Variants in NUMA1 observed in about 807,000 individuals in gnomAD.
NUMA1 encodes the protein nuclear mitotic apparatus protein 1, also known as SP-H antigen.
NUMA1 carries 62 observed loss-of-function variants against 237.1 expected under a neutral mutation model. That is an observed-to-expected ratio of 0.26 (90% CI 0.21 to 0.32). The LOEUF (loss-of-function observed/expected upper bound fraction) is 0.32, where lower values mean the gene tolerates loss of function less well. Among genes scored for constraint, NUMA1 ranks in the 10% least tolerant of loss-of-function variants. The pLI is 1.00. For missense variants in NUMA1, 2,533 were observed against 2,666.5 expected, an observed-to-expected ratio of 0.95 and a Z score of 1.10; for synonymous variants, 1,028 against 1,066.1, an observed-to-expected ratio of 0.96 and a Z score of 0.70.
At chr11:72,060,279 A>G (rs1942873151) in intron 2 of NUMA1, among the ~76,000 whole-genome samples, 1 of 152,224 alleles carries the variant, frequency 6.6e-6, no homozygotes, top group Admixed American at 6.5e-5. Flanking sequence ...CCAATGGCAG[A>G]GGTGAGTAGT....
chr11:72,026,481 A>G (rs577753849), intron 4 of NUMA1, among the ~76,000 whole-genome samples: 44 of 152,176 alleles, frequency 2.9e-4, no homozygotes, highest in African/African-American at 1.0e-3. Flanking sequence ...CTGTTATTCA[A>G]GCTTCACAGC....
At chr11:72,079,487 C>T (rs187184045) in intron 1 of NUMA1, among the ~76,000 whole-genome samples, 4 of 152,038 alleles carry the variant, frequency 2.6e-5, no homozygotes, top group Non-Finnish European at 4.4e-5. Flanking sequence ...TTGCAGTGAG[C>T]CGAGATCGCG....
intron 2 of NUMA1, among the ~76,000 whole-genome samples, chr11:72,059,844 A>G (rs1266439184): frequency 6.6e-6 from 1 of 152,224 alleles, no homozygotes; most frequent in Admixed American, 6.5e-5. Context: ...ACTGTGTACT[A>G]GTTTATAGTC....
Position 72,004,233 on chromosome 11 carries a change from T to C in NUMA1, c.6115A>G (p.Thr2039Ala). Residue 2039 changes from threonine (T) to alanine (A), a missense_variant, in exon 25 of 27, where the codon ACT (threonine) becomes GCT (alanine). By Grantham distance (58) the Thr-to-Ala change is moderately conservative (BLOSUM62 0). Coordinates refer to ENST00000393695, the MANE Select transcript of NUMA1 (RefSeq NM_006185.4). ...EAQKKAAPAS[T>A]KQADRRQSMA... ...TTCAGCCCCAGCCTCACCTGTTTAG[T>C]AGAAGCTGGAGCTGCTTTCTTCTGG... The C allele has an allele frequency of 6.2e-7, 1 of 1,610,774 alleles. No individual in the cohort carries two copies. The highest frequency in any genetic ancestry group is 1.3e-5 in the African/African-American group (1 of 74,616).
In NUMA1 at chr11:72,009,040, G is replaced by C; in HGVS notation, c.4985C>G (p.Ala1662Gly). The stretch of plus-strand genomic sequence containing the variant: ...TTCAGCCTCCTTGGTCTTCAGCCCA[G>C]CCTGCTGTAGCTCATGGCCCAGCCG... ...AERLGHELQQ[A>G]GLKTKEAEQT... The change falls in exon 19 of 27, where the codon GCT becomes GGT. Residue 1662 changes from alanine to glycine, a missense_variant. This residue lies in a region of NUMA1 where 795 missense variants were observed against 750.8 expected (regional missense o/e 1.06). Transcript: ENST00000393695. 1 of 1,613,794 alleles carries C rather than the reference G, an allele frequency of 6.2e-7. No individual in the cohort carries two copies. Among genetic ancestry groups the C allele is most frequent in the South Asian group, 1.1e-5 (1 of 91,084 alleles).
At chr11:72,065,521 T>C (rs1387910202) in intron 2 of NUMA1, 3 of 152,136 alleles carry the variant, frequency 2.0e-5, no homozygotes, top group Non-Finnish European at 4.4e-5. Context: ...ACCAGAAATA[T>C]ACAAGCACAA....
At chr11:72,068,941 G>A (rs557754121) in intron 2 of NUMA1, among the ~76,000 whole-genome samples, 9 of 152,166 alleles carry the variant, frequency 5.9e-5, no homozygotes, top group Non-Finnish European at 1.2e-4. Context: ...TTTGGCTCAC[G>A]GCATCTTCTG....
In NUMA1 at chr11:72,014,740, G is replaced by C. The variant is rs771186858; in HGVS notation, c.2763C>G (p.Thr921=). 7 of 1,614,126 alleles carry C rather than the reference G, an allele frequency of 4.3e-6. No homozygotes were observed. The South Asian group carries it at 5.5e-5, about 13-fold the overall frequency. The change falls in exon 15 of 27, where the codon ACC becomes ACG. Residue 921 remains threonine, a synonymous_variant. Transcript: ENST00000393695. This position sits in a 1 kb window ranked among gnomAD's most constrained non-coding sequence, Gnocchi z 4.6. ...ATSKEVARLE[T]LVRKAGEQQE... ...GCTGCTCACCTGCCTTGCGCACCAA[G>C]GTCTCCAAGCGGGCCACCTCTTTGC...
intron 2 of NUMA1, chr11:72,047,916 AG>A (rs1341832759): frequency 6.6e-6 from 1 of 152,148 alleles, no homozygotes; most frequent in East Asian, 1.9e-4. Context: ...ATCCTCGCAC[AG>A]GGGCCATGCT....
At position 72,071,819 on chromosome 11, in the gene NUMA1, T is replaced by C. The variant is rs1044020869; in HGVS notation, c.-102-1908A>G. On this transcript the variant is annotated intron_variant, in intron 1 of 26. Coordinates refer to ENST00000393695, the MANE Select transcript of NUMA1 (RefSeq NM_006185.4). ...TAATAGTGACTCTAAATGAGAAGTA[T>C]ATAAGTATTTGTTACATTATTTTGC... Among the ~76,000 whole-genome samples the C allele has an allele frequency of 2.6e-5, 4 of 152,222 alleles. No individual in the cohort carries two copies. The South Asian group carries it at 8.3e-4, about 32-fold the overall frequency.
intron 2 of NUMA1, among the ~76,000 whole-genome samples, chr11:72,056,635 TAA>T (rs59248999): frequency 1.7e-4 from 13 of 76,010 alleles, no homozygotes; most frequent in South Asian, 5.0e-4. Context: ...CCCATCTCTT[TAA>T]AAAAAAAAAA....
intron 3 of NUMA1, among the ~76,000 whole-genome samples, chr11:72,035,440 C>T (rs996653812): frequency 6.6e-6 from 1 of 151,184 alleles, no homozygotes; most frequent in Non-Finnish European, 1.5e-5. Flanking sequence ...CCGAGTCTTG[C>T]TCTGTTGCCC....
chr11:72,014,056 G>A lies in NUMA1; in HGVS notation c.3447C>T (p.Ser1149=), dbSNP rs745357580. The change falls in exon 15 of 27, where the codon AGC becomes AGT. Residue 1149 remains serine, a synonymous_variant. Coordinates refer to ENST00000393695, the MANE Select transcript of NUMA1 (RefSeq NM_006185.4). The surrounding 1 kb of genome is among the most constrained non-coding windows in gnomAD (Gnocchi z 4.6). Reference sequence around the variant, plus strand: ...CCCGGGAGGCCCGCTCAGCCTCGAGGCTGCGTTCCAGGCTGTCAGCCTGCT... The same window carrying A: ...CCCGGGAGGCCCGCTCAGCCTCGAGACTGCGTTCCAGGCTGTCAGCCTGCT... ...QQEQADSLER[S]LEAERASRAE... is the part of the protein sequence containing the mutation. 1.9e-6 allele frequency: 3 copies of A among 1,610,808 alleles called. No homozygotes were observed. The South Asian group carries it at 3.3e-5, about 18-fold the overall frequency.
chr11:72,008,756 G>C lies in NUMA1; in HGVS notation c.5148C>G (p.Pro1716=). ...ALKSREPQAK[P]QLDLSIDSLD... ...GGCTGTCAATACTCAAGTCCAGCTG[G>C]GGCTTAGCCTGGGGCTCACGGCTCT... Residue 1716 remains proline (P), a synonymous_variant, in exon 20 of 27, where the codon CCC becomes CCG. Coordinates refer to ENST00000393695, the MANE Select transcript of NUMA1 (RefSeq NM_006185.4). The C allele has an allele frequency of 6.2e-7, 1 of 1,614,110 alleles. No individual in the cohort carries two copies. Among genetic ancestry groups the C allele is most frequent in the African/African-American group, 1.3e-5 (1 of 75,020 alleles).
chr11:72,024,887 T>G, intron 4 of NUMA1: 1 of 154,874 alleles, frequency 6.5e-6, no homozygotes, highest in East Asian at 1.9e-4. Flanking sequence ...TCCCAGGGAC[T>G]AGAGTGTTGT....
intron 21 of NUMA1, among the ~76,000 whole-genome samples, chr11:72,006,531 C>T (rs1433291442): frequency 6.6e-6 from 1 of 152,124 alleles, no homozygotes; most frequent in Non-Finnish European, 1.5e-5. Flanking sequence ...GAGTGTTTAT[C>T]GGCCCATTTT....
rs780294700 is a variant in NUMA1 at position 72,015,748 on chromosome 11, C to T, written c.1755G>A (p.Leu585=). 1 of 1,614,174 alleles carries T rather than the reference C, an allele frequency of 6.2e-7. No individual in the cohort carries two copies. Among genetic ancestry groups the T allele is most frequent in the Non-Finnish European group, 8.5e-7 (1 of 1,180,038 alleles). Residue 585 remains leucine (L), a synonymous_variant, in exon 15 of 27, where the codon CTG becomes CTA. Transcript: ENST00000393695. This position sits in a 1 kb window ranked among gnomAD's most constrained non-coding sequence, Gnocchi z 4.0. The part of the protein sequence containing the change: ...EATRQDHAQQ[L]ATAAEEREAS... ...CCTCTCGCTCCTCTGCAGCAGTGGC[C>T]AGTTGCTGGGCATGGTCCTGCCTAG...
intron 2 of NUMA1, chr11:72,067,669 GAAT>G (rs1254629119): frequency 2.0e-5 from 3 of 152,194 alleles, no homozygotes; most frequent in Non-Finnish European, 4.4e-5. Context: ...AAACAGCTTA[GAAT>G]AGACATTTCC....
At position 72,007,248 on chromosome 11, in the gene NUMA1, G is replaced by A. The variant is rs143730967; in HGVS notation, c.5404C>T (p.Arg1802Cys). 2.6e-4 allele frequency: 418 copies of A among 1,612,980 alleles called. 5 individuals carry two copies. The East Asian group carries it at 8.7e-3, about 33-fold the overall frequency. Residue 1802 changes from arginine (R) to cysteine (C), a missense_variant, in exon 21 of 27, where the codon CGT (arginine) becomes TGT (cysteine). Arg to Cys is a radical substitution (Grantham distance 180, BLOSUM62 -3). This residue lies in a region of NUMA1 where 795 missense variants were observed against 750.8 expected (regional missense o/e 1.06). Transcript: ENST00000393695. ...CGCCGACGAGCGGAGCGGGTCTTAC[G>A]ACCCGAGTCCAGGAAGACGTCTCCC... ...SLGDVFLDSG[R>C]KTRSARRRTT... is the part of the protein sequence containing the mutation.
Sources: gnomAD v4.1 joint callset for allele counts (sites outside exome capture counted in the v4.1 genomes callset) on GRCh38, gnomAD v4.1.1 for gene constraint, gnomAD v4.1.1 regional missense constraint, Gnocchi (gnomAD v3.1) non-coding constraint, MANE v1.5 for transcripts, NCBI Gene and HGNC (gene_info 2026-07-23, HGNC 2026-07-21) for gene names.